ABAT: variants seen among roughly 807,000 people sequenced by gnomAD.
The protein encoded by ABAT is 4-aminobutyrate aminotransferase.
Under a neutral mutation model 64.6 loss-of-function variants are expected in ABAT, and 45 were observed. That is an observed-to-expected ratio of 0.70 (90% CI 0.55 to 0.89). The LOEUF (loss-of-function observed/expected upper bound fraction) is 0.89. Among genes scored for constraint, ABAT ranks in the 40% least tolerant of loss-of-function variants. The probability of loss-of-function intolerance (pLI) is 0.00; values close to 1 mark genes in which losing one functional copy is unlikely to be tolerated. For synonymous variants in ABAT, 297 were observed against 250.5 expected (o/e 1.19, Z -1.75); for missense variants, 633 against 658.4 (o/e 0.96, Z 0.42).
intron 2 of ABAT, among the ~76,000 whole-genome samples, chr16:8,739,978 G>A (rs2059116076): frequency 6.6e-6 from 1 of 151,484 alleles, no homozygotes; most frequent in Non-Finnish European, 1.5e-5. Context: ...CAAAGATACA[G>A]GAATACGTGT....
chr16:8,723,827 A>ATTTTTTT (rs1157410078), intron 1 of ABAT, among the ~76,000 whole-genome samples: 1 of 40,358 alleles, frequency 2.5e-5, no homozygotes, highest in Non-Finnish European at 4.0e-5. Flanking sequence ...ATATATATAT[A>ATTTTTTT]TTTTTTTTTT....
intron 11 of ABAT, among the ~76,000 whole-genome samples, chr16:8,771,309 A>AG (rs1247384666): frequency 1.3e-5 from 2 of 151,696 alleles, no homozygotes; most frequent in Non-Finnish European, 1.5e-5. Context: ...AAAAAAAAAA[A>AG]GAAAACCAAG....
chr16:8,711,843 G>A (rs1355177033), intron 1 of ABAT, among the ~76,000 whole-genome samples: 1 of 151,790 alleles, frequency 6.6e-6, no homozygotes, highest in Admixed American at 6.6e-5. Flanking sequence ...TGGATGGGAA[G>A]ATGGATGGAG....
chr16:8,714,002 AC>A, intron 1 of ABAT: 1 of 434,206 alleles, frequency 2.3e-6, no homozygotes, highest in Admixed American at 2.4e-5. Context: ...GGGGGCACAC[AC>A]CCTTGTGCAT....
Position 8,710,686 on chromosome 16 carries a change from GAGAGAGAC to G in ABAT, c.-41-25005_-41-24998del, listed in dbSNP as rs1487323511. On this transcript the variant is annotated intron_variant, in intron 1 of 15. Coordinates refer to ENST00000268251, the MANE Select transcript of ABAT (RefSeq NM_020686.6). ...GTCCAGGAGGTTAAGGCTGCACTGA[GAGAGAGAC>G]AGAGAGAGAGAGAGAGAGAGAGAGA... Among the ~76,000 whole-genome samples, 116 of 80,530 alleles carry G rather than the reference GAGAGAGAC, an allele frequency of 1.4e-3. 1 individual carries two copies. Among genetic ancestry groups the G allele is most frequent in the Middle Eastern group, 7.8e-3 (1 of 128 alleles). The allele number at this position is 80,530 out of a possible 152,430, so 52.8% of individuals were successfully genotyped here. A position where few individuals can be genotyped will look rare whatever the true frequency, so the allele number is the denominator to read the frequency against.
chr16:8,764,745 C>G lies in ABAT; in HGVS notation c.455C>G (p.Pro152Arg), dbSNP rs1227949778. 6.2e-7 allele frequency: 1 copy of G among 1,613,968 alleles called. No individual in the cohort carries two copies. The highest frequency in any genetic ancestry group is 8.5e-7 in the Non-Finnish European group (1 of 1,180,012). ...CTATTTCCCTCCCCACAGGTGGCTC[C>G]CAAAGGGATGTCCCAGCTCATCACC... ...KLRQSLLSVA[P>R]KGMSQLITMA... The change falls in exon 8 of 16, where the codon CCC (proline) becomes CGC (arginine). Residue 152 changes from proline to arginine, a missense_variant. Transcript: ENST00000268251. This position sits in a 1 kb window ranked among gnomAD's most constrained non-coding sequence, Gnocchi z 4.2.
At chr16:8,726,041 T>C in intron 1 of ABAT, among the ~76,000 whole-genome samples, 1 of 152,054 alleles carries the variant, frequency 6.6e-6, no homozygotes, top group East Asian at 1.9e-4. Context: ...TTTCTAATTT[T>C]TTTTGTACCC....
rs555292484 is a variant in ABAT at position 8,699,781 on chromosome 16, G to A, written c.-42+25070G>A. 1.3e-3 allele frequency among the ~76,000 whole-genome samples: 203 copies of A among 151,330 alleles called. 1 individual carries two copies. Among genetic ancestry groups the A allele is most frequent in the Non-Finnish European group, 2.4e-3 (163 of 67,642 alleles). ...GGGTTTTGCCATGTTGCCCAGGCTG[G>A]TGCAGTGAATATTTCCTCTTCTCTT... On this transcript the variant is annotated intron_variant, in intron 1 of 15. Coordinates refer to ENST00000268251, the MANE Select transcript of ABAT (RefSeq NM_020686.6).
chr16:8,766,907 G>A (rs73501411), intron 9 of ABAT, among the ~76,000 whole-genome samples: 6,937 of 151,784 alleles, frequency 0.046, 540 homozygotes, highest in African/African-American at 0.16. Flanking sequence ...GGGCGCGGAG[G>A]TTGCAGTAGG....
At chr16:8,697,265 C>T (rs1487707283) in intron 1 of ABAT, among the ~76,000 whole-genome samples, 1 of 152,080 alleles carries the variant, frequency 6.6e-6, no homozygotes, top group African/African-American at 2.4e-5. Context: ...GACTTGAGGT[C>T]ATCATTAGAA....
At chr16:8,706,463 C>G (rs1188569132) in intron 1 of ABAT, among the ~76,000 whole-genome samples, 1 of 150,648 alleles carries the variant, frequency 6.6e-6, no homozygotes, top group Admixed American at 6.6e-5. Context: ...CCTGTAATCC[C>G]AGCACTTTGG....
At chr16:8,678,394 A>G (rs2057254044) in intron 1 of ABAT, among the ~76,000 whole-genome samples, 1 of 152,146 alleles carries the variant, frequency 6.6e-6, no homozygotes, top group Admixed American at 6.6e-5. Flanking sequence ...CCCAACCTAC[A>G]CAGGACCTTA....
chr16:8,757,963 T>C (rs535650165), intron 6 of ABAT, among the ~76,000 whole-genome samples, 157 bp downstream of exon 6: 4 of 152,328 alleles, frequency 2.6e-5, no homozygotes, highest in South Asian at 4.1e-4. Flanking sequence ...CATGCCTTGA[T>C]GAATGAAAAC....
chr16:8,674,855 C>T (rs1468337013), intron 1 of ABAT, 144 bp downstream of exon 1: 1 of 152,442 alleles, frequency 6.6e-6, no homozygotes, highest in Non-Finnish European at 1.5e-5. Flanking sequence ...CGGGGCCCTC[C>T]CCCGAAAAGA....
chr16:8,749,208 C>T (rs1429681722), intron 4 of ABAT, among the ~76,000 whole-genome samples: 1 of 150,388 alleles, frequency 6.6e-6, no homozygotes, highest in Non-Finnish European at 1.5e-5. Context: ...CTGCCTCAGC[C>T]TCTCAAGTCA....
At chr16:8,680,363 AT>A (rs2057303248) in intron 1 of ABAT, among the ~76,000 whole-genome samples, 1 of 152,212 alleles carries the variant, frequency 6.6e-6, no homozygotes, top group Admixed American at 6.5e-5. Context: ...GCAGAAAAGT[AT>A]TTTTTAAATT....
intron 8 of ABAT, among the ~76,000 whole-genome samples, chr16:8,765,231 G>C (rs1294674549): frequency 2.0e-5 from 3 of 151,790 alleles, no homozygotes; most frequent in African/African-American, 7.3e-5. Flanking sequence ...AACTATTCTG[G>C]AGGCTGAGGT....
At chr16:8,765,346 AAAG>A (rs1017831146) in intron 8 of ABAT, among the ~76,000 whole-genome samples, 11 of 151,302 alleles carry the variant, frequency 7.3e-5, no homozygotes, top group Admixed American at 5.9e-4. Context: ...AAAAAAAAAA[AAAG>A]AAGAAGAAAA....
chr16:8,717,014 G>A (rs1031501064), intron 1 of ABAT, among the ~76,000 whole-genome samples: 1 of 152,216 alleles, frequency 6.6e-6, no homozygotes, highest in Non-Finnish European at 1.5e-5. Flanking sequence ...TGATGGCCGG[G>A]CACGGTAGCT....
Sources: allele counts gnomAD v4.1 joint callset (sites outside exome capture counted in the v4.1 genomes callset), GRCh38; gene constraint gnomAD v4.1.1; non-coding constraint Gnocchi (gnomAD v3.1); transcripts MANE v1.5; gene names NCBI Gene and HGNC (gene_info 2026-07-23, HGNC 2026-07-21).